SCHIP1: variants seen among roughly 807,000 people sequenced by gnomAD.
SCHIP1 encodes schwannomin-interacting protein 1.
Under a neutral mutation model 29.7 loss-of-function variants are expected in SCHIP1, and 8 were observed. The ratio of observed to expected loss-of-function variants is 0.27; its 90% CI spans 0.16 to 0.49. SCHIP1 has a LOEUF of 0.49. SCHIP1 is among the 20% of genes least tolerant of loss of function. SCHIP1 has a pLI of 0.99. For synonymous variants in SCHIP1, 76 were observed against 94.9 expected, an observed-to-expected ratio of 0.80 and a Z score of 1.16; for missense variants, 193 against 294.6, an observed-to-expected ratio of 0.66 and a Z score of 2.52.
chr3:159,828,452 C>T, the SCHIP1 span, among the ~76,000 whole-genome samples: 4 of 116,944 alleles, frequency 3.4e-5, no homozygotes, highest in African/African-American at 1.1e-4. Flanking sequence ...TATATATATA[C>T]GTATATATAT....
chr3:159,789,404 C>A, the SCHIP1 span, among the ~76,000 whole-genome samples: 1 of 152,206 alleles, frequency 6.6e-6, no homozygotes. Context: ...CGAAAGCACA[C>A]CTTCACAGCA....
chr3:159,570,089 AG>A, the SCHIP1 span, among the ~76,000 whole-genome samples: 1 of 152,278 alleles, frequency 6.6e-6, no homozygotes, highest in South Asian at 2.1e-4. Flanking sequence ...CCCATTCTGT[AG>A]GTTGCCTCTT....
intron 1 of SCHIP1, among the ~76,000 whole-genome samples, chr3:159,864,570 T>A (rs983711486): frequency 6.6e-6 from 1 of 151,542 alleles, no homozygotes; most frequent in Non-Finnish European, 1.5e-5. Context: ...AAGGGGGTGC[T>A]ATATATATAG....
the SCHIP1 span, among the ~76,000 whole-genome samples, chr3:159,795,654 A>G: frequency 2.6e-5 from 4 of 152,232 alleles, no homozygotes; most frequent in Non-Finnish European, 5.9e-5. Flanking sequence ...GTCCAAAGAA[A>G]GTGTTCACTT....
chr3:159,327,387 G>T, the SCHIP1 span, among the ~76,000 whole-genome samples: 1 of 152,142 alleles, frequency 6.6e-6, no homozygotes, highest in Non-Finnish European at 1.5e-5. Context: ...CTTGGCTCAG[G>T]TTCTCCCCTT....
the SCHIP1 span, among the ~76,000 whole-genome samples, chr3:159,389,304 T>G: frequency 1.1e-4 from 16 of 152,184 alleles, no homozygotes; most frequent in African/African-American, 3.8e-4. Context: ...TTTTATATAT[T>G]TTTTCCAAAC....
the SCHIP1 span, among the ~76,000 whole-genome samples, chr3:159,591,807 T>C: frequency 0.016 from 2,358 of 151,788 alleles, 63 homozygotes; most frequent in African/African-American, 0.053. Context: ...TTAGGACAAA[T>C]ACCTAATGCA....
At chr3:159,551,957 G>C in the SCHIP1 span, among the ~76,000 whole-genome samples, 1 of 150,162 alleles carries the variant, frequency 6.7e-6, no homozygotes, top group African/African-American at 2.5e-5. Context: ...GGAGAAATGT[G>C]AAATTACCTA....
upstream of SCHIP1, among the ~76,000 whole-genome samples, chr3:159,837,991 A>G (rs760954177): frequency 3.3e-5 from 5 of 152,132 alleles, no homozygotes; most frequent in Non-Finnish European, 5.9e-5. Context: ...CCTCTCCTGG[A>G]CTAGGAAGGA....
At chr3:159,856,385 A>C (rs1713370165) in intron 1 of SCHIP1, among the ~76,000 whole-genome samples, 1 of 152,092 alleles carries the variant, frequency 6.6e-6, no homozygotes, top group Non-Finnish European at 1.5e-5. Context: ...GGACTTCTAA[A>C]GTGTGCAGCC....
At chr3:159,596,101 A>G in the SCHIP1 span, among the ~76,000 whole-genome samples, 1 of 152,200 alleles carries the variant, frequency 6.6e-6, no homozygotes, top group Non-Finnish European at 1.5e-5. Context: ...TAAATTTACA[A>G]GAAAAAATCA....
At chr3:159,878,985 T>A (rs1279571989) in intron 2 of SCHIP1, among the ~76,000 whole-genome samples, 1 of 151,382 alleles carries the variant, frequency 6.6e-6, no homozygotes, top group Non-Finnish European at 1.5e-5. Flanking sequence ...ATATTTTTGT[T>A]TATAAAATTG....
chr3:159,293,987 C>T, the SCHIP1 span, among the ~76,000 whole-genome samples: 3 of 152,144 alleles, frequency 2.0e-5, no homozygotes, highest in African/African-American at 7.2e-5. Flanking sequence ...TTATGGTTCC[C>T]AGTACTGTCC....
the SCHIP1 span, among the ~76,000 whole-genome samples, chr3:159,716,721 G>A: frequency 6.6e-6 from 1 of 152,156 alleles, no homozygotes; most frequent in Non-Finnish European, 1.5e-5. Context: ...CAATACAGGA[G>A]CACCCAGATT....
chr3:159,717,561 C>A, the SCHIP1 span, among the ~76,000 whole-genome samples: 40 of 152,066 alleles, frequency 2.6e-4, no homozygotes, highest in Non-Finnish European at 4.9e-4. Flanking sequence ...ACCACCAATC[C>A]CACAGAAATA....
At chr3:159,712,494 A>T in the SCHIP1 span, among the ~76,000 whole-genome samples, 1 of 152,042 alleles carries the variant, frequency 6.6e-6, no homozygotes, top group Non-Finnish European at 1.5e-5. Flanking sequence ...AGGCAGGAGG[A>T]TCACTTGAGC....
the SCHIP1 span, among the ~76,000 whole-genome samples, chr3:159,421,093 T>G: frequency 1.3e-5 from 2 of 152,200 alleles, no homozygotes; most frequent in East Asian, 3.8e-4. Context: ...ATATTGAAAG[T>G]TGCAACCTGC....
chr3:159,694,043 C>A, the SCHIP1 span, among the ~76,000 whole-genome samples: 2 of 152,072 alleles, frequency 1.3e-5, no homozygotes, highest in African/African-American at 4.8e-5. Flanking sequence ...TAGGTATGCA[C>A]TCACCTATCT....
At chr3:159,852,074 A>G (rs1027082735) in intron 1 of SCHIP1, among the ~76,000 whole-genome samples, 1 of 152,242 alleles carries the variant, frequency 6.6e-6, no homozygotes, top group Non-Finnish European at 1.5e-5. Context: ...CATTTATGCC[A>G]CAAGTCTTCT....
Sources: allele counts gnomAD v4.1 joint callset (sites outside exome capture counted in the v4.1 genomes callset), GRCh38; gene constraint gnomAD v4.1.1; transcripts MANE v1.5; gene names NCBI Gene and HGNC (gene_info 2026-07-23, HGNC 2026-07-21).